The following EYS variants were observed in gnomAD, a reference collection of about 807,000 sequenced individuals.
EYS encodes EGF-like photoreceptor maintenance factor, also known as protein eyes shut homolog.
EYS carries 250 observed loss-of-function variants against 282.1 expected under a neutral mutation model. That is an observed-to-expected ratio of 0.89 (90% confidence interval 0.80 to 0.98). The LOEUF is 0.98. EYS is among the 50% of genes least tolerant of loss of function. The pLI, the probability that EYS is intolerant of heterozygous loss-of-function variation, is 0.00. For synonymous variants in EYS, 1,355 were observed against 1,282.9 expected, an observed-to-expected ratio of 1.06 and a Z score of -1.20; for missense variants, 4,016 against 3,709.0, an observed-to-expected ratio of 1.08 and a Z score of -2.15.
At chr6:64,494,399 TC>T (rs757498463) in intron 26 of EYS, among the ~76,000 whole-genome samples, 91 of 151,820 alleles carry the variant, frequency 6.0e-4, no homozygotes, top group Non-Finnish European at 8.4e-4. Context: ...TTCCTGATTT[TC>T]CAGGCAAAAT....
chr6:64,807,291 G>A (rs1764460885), intron 22 of EYS, among the ~76,000 whole-genome samples: 1 of 151,758 alleles, frequency 6.6e-6, no homozygotes, highest in Admixed American at 6.6e-5. Context: ...AAATAAATGA[G>A]CAATGCATTG....
At position 65,353,595 on chromosome 6, in the gene EYS, G is replaced by A. The variant is rs747237723; in HGVS notation, c.1322C>T (p.Thr441Ile). 5.0e-6 allele frequency: 8 copies of A among 1,612,870 alleles called. No individual in the cohort carries two copies. In the South Asian group the frequency reaches 7.7e-5, roughly 15 times the overall value. ...CTTCAAAAACCAACATGGATTTTTT[G>A]TGCACCCTGGAATGCATACATACTG... ...RFKYVCIPGC[T>I]KNPCWFLKNV... The change falls in exon 9 of 43, where the codon ACA becomes ATA. Residue 441 changes from threonine to isoleucine, a missense_variant. Transcript: ENST00000503581.
At chr6:65,570,544 G>A (rs182560787) in intron 2 of EYS, among the ~76,000 whole-genome samples, 1 of 152,200 alleles carries the variant, frequency 6.6e-6, no homozygotes, top group East Asian at 1.9e-4. Context: ...GATCTCTCAT[G>A]CTGGGTTTAT....
chr6:64,493,554 G>T (rs537884491), intron 26 of EYS, among the ~76,000 whole-genome samples: 11 of 151,644 alleles, frequency 7.3e-5, no homozygotes, highest in Non-Finnish European at 1.2e-4. Context: ...ACCTCCTGCA[G>T]TCTTTCTATA....
intron 32 of EYS, among the ~76,000 whole-genome samples, chr6:64,071,858 A>C (rs181271052): frequency 6.6e-6 from 1 of 151,864 alleles, no homozygotes; most frequent in African/African-American, 2.4e-5. Flanking sequence ...GCATAAAAAC[A>C]GTGCAAATGG....
At chr6:63,924,490 C>T (rs1200738292) in intron 35 of EYS, among the ~76,000 whole-genome samples, 1 of 152,166 alleles carries the variant, frequency 6.6e-6, no homozygotes, top group African/African-American at 2.4e-5. Context: ...AAAATAGCAT[C>T]GTTTGTGAAA....
chr6:65,571,998 A>T (rs143615895), intron 2 of EYS, among the ~76,000 whole-genome samples: 4 of 151,874 alleles, frequency 2.6e-5, no homozygotes, highest in Admixed American at 1.3e-4. Flanking sequence ...ACATTAAATA[A>T]TTTTTTTTAA....
chr6:65,402,528 A>G lies in EYS; in HGVS notation c.1134T>C (p.Pro378=), dbSNP rs2150363805. ...KSIQTSCESF[P]LRNNATCKKC... ...TCTTACATGTAGCATTATTCCTCAA[A>G]GGAAATGACTCACATGATGTTTGAA... The change falls in exon 7 of 43, where the codon CCT becomes CCC. Residue 378 remains proline, a synonymous_variant. Transcript: ENST00000503581. The G allele has an allele frequency of 1.3e-6, 2 of 1,550,730 alleles. No individual in the cohort carries two copies. Among genetic ancestry groups the G allele is most frequent in the Non-Finnish European group, 1.8e-6 (2 of 1,123,268 alleles).
chr6:65,667,604 CTTA>C lies in EYS; in HGVS notation c.-447-27715_-447-27713del, dbSNP rs1768243765. 4.6e-5 allele frequency among the ~76,000 whole-genome samples: 7 copies of C among 151,914 alleles called. No individual in the cohort carries two copies. The South Asian group carries it at 1.5e-3, about 32-fold the overall frequency. ...AAATTCCATTCTTATCACGAATACC[CTTA>C]TTAATTGTCAGTCACATTACTCTTG... On this transcript the variant is annotated intron_variant, in intron 1 of 42. Transcript: ENST00000503581.
At chr6:65,555,113 T>C (rs1199365275) in intron 2 of EYS, among the ~76,000 whole-genome samples, 44 of 152,166 alleles carry the variant, frequency 2.9e-4, no homozygotes, top group Non-Finnish European at 5.9e-5. Context: ...CATCAGGCTA[T>C]AGAATGTGAT....
intron 24 of EYS, among the ~76,000 whole-genome samples, chr6:64,608,539 T>C (rs147746013): frequency 6.6e-6 from 1 of 152,326 alleles, no homozygotes; most frequent in African/African-American, 2.4e-5. Flanking sequence ...TGTTACTGTA[T>C]AATCCAGTGA....
At chr6:63,787,823 C>T (rs2149670125) in intron 39 of EYS, among the ~76,000 whole-genome samples, 1 of 152,174 alleles carries the variant, frequency 6.6e-6, no homozygotes, top group African/African-American at 2.4e-5. Flanking sequence ...CCTGTAATCC[C>T]AGCTACTAGG....
chr6:65,616,039 C>T (rs943955858), intron 2 of EYS, among the ~76,000 whole-genome samples: 3 of 151,046 alleles, frequency 2.0e-5, no homozygotes, highest in Non-Finnish European at 4.4e-5. Context: ...GTTAGAAGAA[C>T]ATGTTAATGC....
chr6:64,507,221 A>G (rs1002628875), intron 26 of EYS, among the ~76,000 whole-genome samples: 2 of 152,100 alleles, frequency 1.3e-5, no homozygotes, highest in African/African-American at 2.4e-5. Flanking sequence ...ATTCTAGGGT[A>G]CATGTGCACA....
At chr6:64,485,965 C>A (rs1192330085) in intron 26 of EYS, among the ~76,000 whole-genome samples, 1 of 151,096 alleles carries the variant, frequency 6.6e-6, no homozygotes, top group Admixed American at 6.6e-5. Context: ...TCAGAAAGAA[C>A]CCAAGAGAAA....
At chr6:64,382,551 C>G (rs1772782802) in intron 29 of EYS, among the ~76,000 whole-genome samples, 1 of 152,178 alleles carries the variant, frequency 6.6e-6, no homozygotes, top group Non-Finnish European at 1.5e-5. Flanking sequence ...TGCAAGTGTA[C>G]AGTTTATTTC....
At chr6:65,418,560 T>C (rs933820588) in intron 5 of EYS, among the ~76,000 whole-genome samples, 16 of 152,050 alleles carry the variant, frequency 1.1e-4, no homozygotes, top group Non-Finnish European at 2.2e-4. Context: ...AATGAGATCA[T>C]GTCCTTTGTC....
At chr6:64,129,448 A>G (rs886093424) in intron 31 of EYS, among the ~76,000 whole-genome samples, 5 of 152,130 alleles carry the variant, frequency 3.3e-5, no homozygotes, top group African/African-American at 4.8e-5. Context: ...TTGTCTGTTC[A>G]TATCCTTTGC....
intron 1 of EYS, among the ~76,000 whole-genome samples, chr6:65,677,539 A>C (rs1768663812): frequency 6.6e-6 from 1 of 152,020 alleles, no homozygotes; most frequent in African/African-American, 2.4e-5. Flanking sequence ...TAAAACATTG[A>C]TGAAAGAAAT....
Sources: gnomAD v4.1 joint callset for allele counts (sites outside exome capture counted in the v4.1 genomes callset) on GRCh38, gnomAD v4.1.1 for gene constraint, MANE v1.5 for transcripts, NCBI Gene and HGNC (gene_info 2026-07-23, HGNC 2026-07-21) for gene names.